OGDHL: variants seen among roughly 807,000 people sequenced by gnomAD.
The protein encoded by OGDHL is oxoglutarate dehydrogenase L, also known as 2-oxoglutarate dehydrogenase-like, mitochondrial.
OGDHL carries 79 observed loss-of-function variants against 109.6 expected under a neutral mutation model. The observed-to-expected ratio is 0.72, with a 90% CI of 0.60 to 0.87. The LOEUF (loss-of-function observed/expected upper bound fraction) is 0.87, where lower values mean the gene tolerates loss of function less well. OGDHL is among the 40% of genes least tolerant of loss of function. The pLI is 0.00. For synonymous variants in OGDHL, 528 were observed against 537.2 expected (o/e 0.98, Z 0.24); for missense variants, 1,275 against 1,362.2 (o/e 0.94, Z 1.01).
Position 49,740,513 on chromosome 10 carries a change from G to T in OGDHL, c.2140+197C>A, listed in dbSNP as rs533453878. Among the ~76,000 whole-genome samples, 3 of 152,194 alleles carry T rather than the reference G, an allele frequency of 2.0e-5. No homozygotes were observed. The East Asian group carries it at 5.8e-4, about 29-fold the overall frequency. On this transcript the variant is annotated intron_variant, in intron 16 of 22. Transcript: ENST00000374103. Reference sequence around the variant, plus strand: ...GTCCCCCCAACTGGGATCCCCAAGGGGCCCAGATGGGACACGATTTCACCT... The same window carrying T: ...GTCCCCCCAACTGGGATCCCCAAGGTGCCCAGATGGGACACGATTTCACCT...
chr10:49,748,773 C>CACAA (rs1432283375), intron 8 of OGDHL, among the ~76,000 whole-genome samples: 1 of 151,636 alleles, frequency 6.6e-6, no homozygotes, highest in African/African-American at 2.4e-5. Context: ...CACACACACA[C>CACAA]ACACACACAC....
Position 49,742,915 on chromosome 10 carries a change from A to T in OGDHL, c.1925T>A (p.Leu642Ter). The T allele has an allele frequency of 6.2e-7, 1 of 1,614,060 alleles. No homozygotes were observed. Among genetic ancestry groups the T allele is most frequent in the Non-Finnish European group, 8.5e-7 (1 of 1,180,004 alleles). ...GGAGCCAAAGGCCATGTACTCTGCCAACGCCCAGTCCACCGTCCGGTTCTT... is the reference window on the plus strand; with the variant it reads ...GGAGCCAAAGGCCATGTACTCTGCCTACGCCCAGTCCACCGTCCGGTTCTT... ...MTKNRTVDWA[L>*]AEYMAFGSLL... Residue 642 changes from leucine to a stop codon, truncating the protein, a stop_gained, in exon 15 of 23, where the codon TTG becomes TAG. Coordinates refer to ENST00000374103, the MANE Select transcript of OGDHL (RefSeq NM_018245.3). LOFTEE classifies it high-confidence loss of function.
Position 49,745,930 on chromosome 10 carries a change from C to T in OGDHL, c.1344G>A (p.Pro448=), listed in dbSNP as rs770910107. The change falls in exon 11 of 23, where the codon CCG becomes CCA. Residue 448 remains proline, a synonymous_variant. Coordinates refer to ENST00000374103, the MANE Select transcript of OGDHL (RefSeq NM_018245.3). ...DPRMARSSPY[P]TDVARVVNAP... ...CATTGACCACCCGGGCCACGTCGGT[C>T]GGGTATGGTGAGGAGCGGGCCATTC... The T allele has an allele frequency of 1.1e-5, 18 of 1,614,048 alleles. 1 individual carries two copies. Among genetic ancestry groups the T allele is most frequent in the South Asian group, 7.7e-5 (7 of 91,064 alleles).
At chr10:49,743,896 G>A (rs906287445) in intron 14 of OGDHL, 98 bp downstream of exon 14, 58 of 1,457,144 alleles carry the variant, frequency 4.0e-5, no homozygotes, top group Non-Finnish European at 5.0e-5. Flanking sequence ...GCAGGAATGC[G>A]ACACACCATC....
At chr10:49,759,552 C>G (rs569183867) in intron 1 of OGDHL, among the ~76,000 whole-genome samples, 44 of 152,268 alleles carry the variant, frequency 2.9e-4, no homozygotes, top group African/African-American at 1.0e-3. Context: ...CTGGAGAACC[C>G]CCCAGATATC....
intron 16 of OGDHL, among the ~76,000 whole-genome samples, chr10:49,740,202 G>T (rs951504881): frequency 6.6e-6 from 1 of 152,152 alleles, no homozygotes; most frequent in Non-Finnish European, 1.5e-5. Context: ...GGGCTGCCTG[G>T]CCTCTAGGGG....
chr10:49,749,831 G>C lies in OGDHL; in HGVS notation c.897-15C>G. 6.3e-7 allele frequency: 1 copy of C among 1,577,422 alleles called. No homozygotes were observed. Among genetic ancestry groups the C allele is most frequent in the South Asian group, 1.2e-5 (1 of 86,752 alleles). ...TCAGCCTTCCCCTGGAGCCAGAGGG[G>C]CCGGGCTCTCACCTGGCAAAGCCCG... On this transcript the variant is annotated splice_polypyrimidine_tract_variant and intron_variant, in intron 7 of 22. Coordinates refer to ENST00000374103, the MANE Select transcript of OGDHL (RefSeq NM_018245.3).
intron 1 of OGDHL, among the ~76,000 whole-genome samples, chr10:49,760,789 G>A (rs1843225683): frequency 6.6e-6 from 1 of 152,234 alleles, no homozygotes; most frequent in African/African-American, 2.4e-5. Flanking sequence ...CAGCGACTGT[G>A]CCCTGATCAC....
chr10:49,748,742 CCACA>C lies in OGDHL; in HGVS notation c.987+980_987+983del, dbSNP rs3223401. Among the ~76,000 whole-genome samples the C allele has an allele frequency of 5.7e-3, 770 of 133,924 alleles. 10 individuals are homozygous for C. The South Asian group carries it at 0.063, about 11-fold the overall frequency. The allele number at this position is 133,924 out of a possible 152,430, so 87.9% of individuals were successfully genotyped here. A position where few individuals can be genotyped will look rare whatever the true frequency, so the allele number is the denominator to read the frequency against. The stretch of plus-strand genomic sequence containing the variant: ...GGGATAGGAGCCAGTAGGTATGGGT[CCACA>C]CACACACACACACACACACACACAC... On this transcript the variant is annotated intron_variant, in intron 8 of 22. Coordinates refer to ENST00000374103, the MANE Select transcript of OGDHL (RefSeq NM_018245.3).
chr10:49,736,281 C>G, intron 21 of OGDHL, 76 bp downstream of exon 21: 1 of 1,593,422 alleles, frequency 6.3e-7, no homozygotes, highest in Non-Finnish European at 8.6e-7. Flanking sequence ...TCTGGCCTGC[C>G]TGGCACATTG....
chr10:49,756,357 C>G (rs543559623), intron 3 of OGDHL, among the ~76,000 whole-genome samples: 1 of 152,274 alleles, frequency 6.6e-6, no homozygotes, highest in African/African-American at 2.4e-5. Context: ...GTTTACTGAA[C>G]CATTCATTCC....
At chr10:49,746,209 T>C (rs147012075) in intron 10 of OGDHL, among the ~76,000 whole-genome samples, 24 of 152,210 alleles carry the variant, frequency 1.6e-4, no homozygotes, top group African/African-American at 5.1e-4. Context: ...CGCCAGTCAC[T>C]TTGACACACT....
chr10:49,742,999 C>T (rs1463265174), intron 14 of OGDHL, 21 bp from the exon 15 acceptor site: 1 of 1,609,476 alleles, frequency 6.2e-7, no homozygotes, highest in Non-Finnish European at 8.5e-7. Context: ...GGAGTGCTGG[C>T]CTGAGGGCCA....
chr10:49,738,285 C>T (rs1370940371), intron 17 of OGDHL, 23 bp from the exon 18 acceptor site: 2 of 1,611,704 alleles, frequency 1.2e-6, no homozygotes, highest in South Asian at 1.1e-5. Flanking sequence ...GCCAGACAGC[C>T]AAGGCTGGAC....
intron 8 of OGDHL, among the ~76,000 whole-genome samples, chr10:49,748,315 G>A (rs949475141): frequency 2.0e-5 from 3 of 152,190 alleles, no homozygotes; most frequent in Non-Finnish European, 2.9e-5. Context: ...CCGGTGTCAC[G>A]GCTATGCCCA....
chr10:49,747,897 T>C (rs908903770), intron 8 of OGDHL, among the ~76,000 whole-genome samples: 2 of 152,168 alleles, frequency 1.3e-5, no homozygotes, highest in African/African-American at 2.4e-5. Flanking sequence ...CAGAAAAATA[T>C]GAATGGCTCA....
intron 4 of OGDHL, among the ~76,000 whole-genome samples, 175 bp from the exon 5 acceptor site, chr10:49,752,423 C>T (rs2133073069): frequency 6.6e-6 from 1 of 152,302 alleles, no homozygotes; most frequent in Middle Eastern, 3.4e-3. Flanking sequence ...GGACAAGCCT[C>T]TCAGGCTTGA....
intron 2 of OGDHL, among the ~76,000 whole-genome samples, chr10:49,758,146 C>A (rs2132267481): frequency 1.3e-5 from 2 of 152,230 alleles, no homozygotes; most frequent in East Asian, 3.8e-4. Flanking sequence ...ACAAAGGGGG[C>A]ACGGCAGGGC....
intron 15 of OGDHL, among the ~76,000 whole-genome samples, chr10:49,741,327 C>T (rs571441384): frequency 2.0e-5 from 3 of 152,206 alleles, no homozygotes; most frequent in African/African-American, 7.2e-5. Flanking sequence ...GTGAGGGGCG[C>T]CTGGCTGAAC....
Sources: allele counts gnomAD v4.1 joint callset (sites outside exome capture counted in the v4.1 genomes callset), GRCh38; gene constraint gnomAD v4.1.1; transcripts MANE v1.5; gene names NCBI Gene and HGNC (gene_info 2026-07-23, HGNC 2026-07-21).